SLX4: variants seen among roughly 807,000 people sequenced by gnomAD.
SLX4 encodes structure-specific endonuclease subunit SLX4.
In SLX4, 112 loss-of-function variants were observed where a neutral mutation model predicts 146.2. That is an observed-to-expected ratio of 0.77 (90% CI 0.66 to 0.90). SLX4 has a LOEUF of 0.90. SLX4 is among the 40% of genes least tolerant of loss of function. SLX4 has a pLI of 0.00. For missense variants in SLX4, 2,563 were observed against 2,392.7 expected (o/e 1.07, Z -1.49); for synonymous variants, 1,061 against 997.7 (o/e 1.06, Z -1.20).
intron 1 of SLX4, among the ~76,000 whole-genome samples, chr16:3,610,964 C>G (rs557674328): frequency 9.8e-5 from 15 of 152,328 alleles, no homozygotes; most frequent in Non-Finnish European, 7.4e-5. Flanking sequence ...CAAATTCCAC[C>G]TCCACAACTG....
At position 3,582,200 on chromosome 16, in the gene SLX4, T is replaced by C. The variant is rs2040443647; in HGVS notation, c.*142A>G. 14 of 689,706 alleles carry C rather than the reference T, an allele frequency of 2.0e-5. No homozygotes were observed. Among genetic ancestry groups the C allele is most frequent in the East Asian group, 5.4e-5 (2 of 36,898 alleles). 42.7% of individuals were successfully genotyped at this position (689,706 alleles called of 1,614,324 possible). A position where few individuals can be genotyped will look rare whatever the true frequency, so the allele number is the denominator to read the frequency against. Reference sequence around the variant, plus strand: ...GCCCTGGATTGGGCTGTGGTCATCATCACAGCGCAGAGCTGATGTGGTCCC... The same window carrying C: ...GCCCTGGATTGGGCTGTGGTCATCACCACAGCGCAGAGCTGATGTGGTCCC... On this transcript the variant is annotated 3_prime_UTR_variant, in exon 15 of 15. Transcript: ENST00000294008.
chr16:3,590,044 A>G lies in SLX4; in HGVS notation c.3594T>C (p.Asp1198=), dbSNP rs1238819543. ...GGCTCTGGGAAGGTTCCTGATCTGC[A>G]TCAACATCAATGATGGAAAACAGCT... ...SCELFSIIDV[D]ADQEPSQSPP... is the part of the protein sequence containing the mutation. Residue 1198 remains aspartate, a synonymous_variant, in exon 12 of 15, where the codon GAT becomes GAC. Coordinates refer to ENST00000294008, the MANE Select transcript of SLX4 (RefSeq NM_032444.4). This position sits in a 1 kb window ranked among gnomAD's most constrained non-coding sequence, Gnocchi z 4.8. 21 of 1,614,032 alleles carry G rather than the reference A, an allele frequency of 1.3e-5. No individual in the cohort carries two copies. The highest frequency in any genetic ancestry group is 1.7e-5 in the Admixed American group (1 of 60,006).
intron 9 of SLX4, among the ~76,000 whole-genome samples, 161 bp downstream of exon 9, chr16:3,595,444 C>T (rs2040640583): frequency 6.6e-6 from 1 of 152,218 alleles, no homozygotes; most frequent in Non-Finnish European, 1.5e-5. Flanking sequence ...CGTGGCTCTG[C>T]TCACGGATGT....
Position 3,582,159 on chromosome 16 carries a change from G to A in SLX4, c.*183C>T. On this transcript the variant is annotated 3_prime_UTR_variant, in exon 15 of 15. Coordinates refer to ENST00000294008, the MANE Select transcript of SLX4 (RefSeq NM_032444.4). ...GCTCCAAATGCCACCCTAGAAAGCAGAGCCCAGAGGAGGAAGCCCTGGATT... is the reference window on the plus strand; with the variant it reads ...GCTCCAAATGCCACCCTAGAAAGCAAAGCCCAGAGGAGGAAGCCCTGGATT... The A allele has an allele frequency of 4.9e-6, 3 of 609,500 alleles. No individual in the cohort carries two copies. The highest frequency in any genetic ancestry group is 8.7e-6 in the Non-Finnish European group (3 of 344,122). 37.8% of individuals were successfully genotyped at this position (609,500 alleles called of 1,614,324 possible).
intron 3 of SLX4, among the ~76,000 whole-genome samples, chr16:3,605,738 G>A (rs1049812681): frequency 3.4e-5 from 5 of 149,248 alleles, no homozygotes; most frequent in Admixed American, 6.7e-5. Context: ...ACGAGGTCAG[G>A]AGATCGAGAC....
chr16:3,590,680 G>C lies in SLX4; in HGVS notation c.2958C>G (p.Leu986=), dbSNP rs148111699. The part of the protein sequence containing the change: ...HSDDAGDYEQ[L]FSSTQGEISE... ...AGATCTCTCCCTGAGTTGATGAGAA[G>C]AGCTGTTCGTAATCCCCGGCATCAT... The change falls in exon 12 of 15, where the codon CTC becomes CTG. Residue 986 remains leucine, a synonymous_variant. Coordinates refer to ENST00000294008, the MANE Select transcript of SLX4 (RefSeq NM_032444.4). The surrounding 1 kb of genome is among the most constrained non-coding windows in gnomAD (Gnocchi z 4.8). 1.7e-5 allele frequency: 28 copies of C among 1,614,082 alleles called. No homozygotes were observed. The African/African-American group carries it at 3.6e-4, about 21-fold the overall frequency.
At position 3,589,153 on chromosome 16, in the gene SLX4, C is replaced by G. The variant is rs140872903; in HGVS notation, c.4485G>C (p.Ala1495=). The G allele has an allele frequency of 6.9e-5, 111 of 1,614,094 alleles. 1 individual carries two copies. In the Middle Eastern group the frequency reaches 2.0e-3, roughly 29 times the overall value. ...QRKLQEKSSG[A]GSLGNSRPSF... is the part of the protein sequence containing the mutation. ...TCGGCCTGCTATTCCCCAGGGAGCCCGCGCCCGAGGACTTCTCTTGCAATT... is the reference window on the plus strand; with the variant it reads ...TCGGCCTGCTATTCCCCAGGGAGCCGGCGCCCGAGGACTTCTCTTGCAATT... The change falls in exon 12 of 15, where the codon GCG becomes GCC. Residue 1495 remains alanine, a synonymous_variant. Transcript: ENST00000294008. This position sits in a 1 kb window ranked among gnomAD's most constrained non-coding sequence, Gnocchi z 6.2.
intron 14 of SLX4, 54 bp from the exon 15 acceptor site, chr16:3,582,747 G>A: frequency 6.7e-7 from 1 of 1,489,906 alleles, no homozygotes; most frequent in Non-Finnish European, 9.2e-7. Context: ...CAGCCCCTGA[G>A]ACCATGAGCC....
In SLX4 at chr16:3,590,338, G is replaced by A; in HGVS notation, c.3300C>T (p.Gly1100=). The A allele has an allele frequency of 6.2e-7, 1 of 1,614,212 alleles. No individual in the cohort carries two copies. The highest frequency in any genetic ancestry group is 8.5e-7 in the Non-Finnish European group (1 of 1,180,046). The stretch of plus-strand genomic sequence containing the variant: ...ACTCCAGCACGGACCGACGCTCTTT[G>A]CCTTTCTGGTGCCCTGGCTCTTTAG... ...TLSKEPGHQK[G]KERRSVLECR... Residue 1100 remains glycine (G), a synonymous_variant, in exon 12 of 15, where the codon GGC becomes GGT. Coordinates refer to ENST00000294008, the MANE Select transcript of SLX4 (RefSeq NM_032444.4). The surrounding 1 kb of genome is among the most constrained non-coding windows in gnomAD (Gnocchi z 4.8).
chr16:3,582,447 G>T lies in SLX4; in HGVS notation c.5400C>A (p.Phe1800Leu). 6.2e-7 allele frequency: 1 copy of T among 1,613,974 alleles called. No individual in the cohort carries two copies. The highest frequency in any genetic ancestry group is 8.5e-7 in the Non-Finnish European group (1 of 1,180,040). Residue 1800 changes from phenylalanine (F) to leucine (L), a missense_variant, in exon 15 of 15, where the codon TTC becomes TTA. Phe to Leu is a conservative substitution (Grantham distance 22, BLOSUM62 0). Transcript: ENST00000294008. ...LRVSSRRLLD[F>L]LDTHCITFTT... ...TGAAGGTGATACAGTGGGTGTCCAG[G>T]AAGTCCAACAGCCTGCGCGAGGACA...
intron 5 of SLX4, among the ~76,000 whole-genome samples, chr16:3,599,690 G>A (rs796741334): frequency 3.9e-5 from 6 of 152,316 alleles, no homozygotes; most frequent in African/African-American, 1.2e-4. Context: ...AGGCTCAAGT[G>A]ATCCTTCCGC....
chr16:3,597,389 C>T lies in SLX4; in HGVS notation c.1673G>A (p.Arg558Gln), dbSNP rs773558127. ...ARLVPPLVPQ[R>Q]PAQGLMQEPV... The stretch of plus-strand genomic sequence containing the variant: ...AGGGGAGGGACTCACCTGGGCAGGC[C>T]GCTGGGGCACGAGAGGAGGGACCAG... Residue 558 changes from arginine (R) to glutamine (Q), a missense_variant, in exon 7 of 15, where the codon CGG (arginine) becomes CAG (glutamine). Transcript: ENST00000294008. This position sits in a 1 kb window ranked among gnomAD's most constrained non-coding sequence, Gnocchi z 4.4. 24 of 1,574,680 alleles carry T rather than the reference C, an allele frequency of 1.5e-5. No individual in the cohort carries two copies. In the Middle Eastern group the frequency reaches 6.9e-4, roughly 45 times the overall value.
chr16:3,589,777 C>G lies in SLX4; in HGVS notation c.3861G>C (p.Val1287=), dbSNP rs756446820. 2 of 1,613,544 alleles carry G rather than the reference C, an allele frequency of 1.2e-6. No individual in the cohort carries two copies. Among genetic ancestry groups the G allele is most frequent in the Non-Finnish European group, 1.7e-6 (2 of 1,180,030 alleles). Reference sequence around the variant, plus strand: ...CTGAGGCCCTGGGCGTGTGCTGAGTCACCGCCTGCACGGCCAGCCCGCTCC... The same window carrying G: ...CTGAGGCCCTGGGCGTGTGCTGAGTGACCGCCTGCACGGCCAGCCCGCTCC... ...SLRSGLAVQA[V]TQHTPRASVG... Residue 1287 remains valine (V), a synonymous_variant, in exon 12 of 15, where the codon GTG becomes GTC. Coordinates refer to ENST00000294008, the MANE Select transcript of SLX4 (RefSeq NM_032444.4). The surrounding 1 kb of genome is among the most constrained non-coding windows in gnomAD (Gnocchi z 6.2).
intron 5 of SLX4, chr16:3,600,537 T>C (rs956304229): frequency 9.4e-6 from 2 of 213,178 alleles, no homozygotes; most frequent in African/African-American, 2.4e-5. Context: ...CCGCCCTAAG[T>C]GTTTCATTTC....
chr16:3,585,447 G>A (rs915104363), intron 12 of SLX4, among the ~76,000 whole-genome samples: 2 of 151,898 alleles, frequency 1.3e-5, no homozygotes, highest in African/African-American at 2.4e-5. Flanking sequence ...TTAGCTGGGC[G>A]TGGTGGCGGG....
At chr16:3,598,838 G>A (rs1285499844) in intron 5 of SLX4, among the ~76,000 whole-genome samples, 2 of 152,214 alleles carry the variant, frequency 1.3e-5, no homozygotes, top group East Asian at 3.9e-4. Context: ...CTTCTGTGAA[G>A]GGAACACAGA....
rs2040877575 is a variant in SLX4 at position 3,611,603 on chromosome 16, C to A, written c.-646G>T. 1 of 152,080 alleles carries A rather than the reference C, an allele frequency of 6.6e-6. No individual in the cohort carries two copies. The highest frequency in any genetic ancestry group is 1.5e-5 in the Non-Finnish European group (1 of 68,010). The allele number at this position is 152,080 out of a possible 1,614,324, so 9.4% of individuals were successfully genotyped here. On this transcript the variant is annotated 5_prime_UTR_variant, in exon 1 of 15. The change creates a new upstream start codon in the 5' untranslated region. Coordinates refer to ENST00000294008, the MANE Select transcript of SLX4 (RefSeq NM_032444.4). ...ACCTTCTTAACGGAGACTCGCGCGC[C>A]TGCGCATGCGCCGCCCGCGCCCCCG...
chr16:3,598,149 G>A, intron 5 of SLX4, 150 bp from the exon 6 acceptor site: 2 of 887,102 alleles, frequency 2.3e-6, no homozygotes, highest in Non-Finnish European at 3.6e-6. Flanking sequence ...CCACTGCCTT[G>A]TGTGAACTCA....
chr16:3,600,276 C>T (rs775810527), intron 5 of SLX4, among the ~76,000 whole-genome samples: 13 of 152,196 alleles, frequency 8.5e-5, no homozygotes, highest in African/African-American at 1.9e-4. Flanking sequence ...CTTGCCTGCC[C>T]GCTGCTCACC....
Sources: gnomAD v4.1 joint callset for allele counts (sites outside exome capture counted in the v4.1 genomes callset) on GRCh38, gnomAD v4.1.1 for gene constraint, Gnocchi (gnomAD v3.1) non-coding constraint, MANE v1.5 for transcripts, NCBI Gene and HGNC (gene_info 2026-07-23, HGNC 2026-07-21) for gene names.